Variants in RGSL1 observed in about 807,000 individuals in gnomAD.
The protein encoded by RGSL1 is regulator of G protein signaling protein-like.
RGSL1 carries 97 observed loss-of-function variants against 124.7 expected under a neutral mutation model. That is an observed-to-expected ratio of 0.78 (90% CI 0.66 to 0.92). RGSL1 has a LOEUF of 0.92. Ranked by LOEUF, RGSL1 falls within the 40% of genes least tolerant of loss-of-function variation. The pLI is 0.00. For synonymous variants in RGSL1, 424 were observed against 438.1 expected (o/e 0.97, Z 0.40); for missense variants, 1,233 against 1,288.4 (o/e 0.96, Z 0.66).
Position 182,532,688 on chromosome 1 carries a change from C to A in RGSL1, c.2391C>A (p.Ser797Arg), listed in dbSNP as rs745901690. ...AGAAAGGCTGGATGAGAATGATCAG[C>A]TTTATCAGGAGTTTTTGCAAGTACC... ...SQKKGWMRMI[S>R]FIRSFCKYRR... The change falls in exon 14 of 22, where the codon AGC becomes AGA. Residue 797 changes from serine (S) to arginine (R), a missense_variant. Physicochemically the swap from Ser to Arg is moderately radical, Grantham distance 110. Coordinates refer to ENST00000294854, the MANE Select transcript of RGSL1 (RefSeq NM_001137669.2). 2.8e-5 allele frequency: 44 copies of A among 1,550,948 alleles called. No individual in the cohort carries two copies. The South Asian group carries it at 4.5e-4, about 16-fold the overall frequency.
intron 9 of RGSL1, among the ~76,000 whole-genome samples, chr1:182,512,082 G>A (rs549829317): frequency 6.6e-6 from 1 of 152,098 alleles, no homozygotes; most frequent in East Asian, 1.9e-4. Context: ...TATTGATTTT[G>A]TATCCTGAAA....
chr1:182,512,415 A>AC (rs562086584), intron 9 of RGSL1, among the ~76,000 whole-genome samples: 96 of 151,110 alleles, frequency 6.4e-4, no homozygotes, highest in African/African-American at 2.1e-3. Flanking sequence ...GAGTTCCCTG[A>AC]CCCCCCCTCT....
rs1280379227 is a variant in RGSL1, at chr1:182,519,602, C to G, written c.1826-2402C>G. On this transcript the variant is annotated intron_variant, in intron 9 of 21. Transcript: ENST00000294854. ...TACTTGTAGCTTCAGAACTTCCGGA[C>G]TAGATATCTTTTTTCAGTTTTAGGG... 3.3e-5 allele frequency among the ~76,000 whole-genome samples: 5 copies of G among 152,034 alleles called. No individual in the cohort carries two copies. The East Asian group carries it at 9.6e-4, about 29-fold the overall frequency.
rs559298654 is a variant in RGSL1 at position 182,553,049 on chromosome 1, T to C, written c.3044-406T>C. 3.3e-5 allele frequency among the ~76,000 whole-genome samples: 5 copies of C among 152,256 alleles called. No homozygotes were observed. The East Asian group carries it at 7.7e-4, about 24-fold the overall frequency. On this transcript the variant is annotated intron_variant, in intron 18 of 21. Transcript: ENST00000294854. ...CCTCTCAAGTAGCTGGAATTACAGG[T>C]GAACACCACCATGCCCAGCTAATTT...
At chr1:182,553,656 G>C in intron 19 of RGSL1, 115 bp downstream of exon 19, 1 of 825,730 alleles carries the variant, frequency 1.2e-6, no homozygotes, top group Non-Finnish European at 1.9e-6. Flanking sequence ...CCCAAAATGT[G>C]AAGTAACTTG....
At position 182,530,891 on chromosome 1, in the gene RGSL1, C is replaced by T; in HGVS notation, c.2345C>T (p.Thr782Ile). 6.5e-7 allele frequency: 1 copy of T among 1,548,862 alleles called. No homozygotes were observed. Among genetic ancestry groups the T allele is most frequent in the Non-Finnish European group, 8.7e-7 (1 of 1,145,704 alleles). ...SSRKPSKIVS[T>I]YLQESQKKGW... is the part of the protein sequence containing the mutation. ...AGGAAGCCCTCAAAGATAGTGTCAACTTACCTACAGGAATCCCAGGTTAGT... is the reference window on the plus strand; with the variant it reads ...AGGAAGCCCTCAAAGATAGTGTCAATTTACCTACAGGAATCCCAGGTTAGT... The change falls in exon 13 of 22, where the codon ACT becomes ATT. Residue 782 changes from threonine (T) to isoleucine (I), a missense_variant. Thr to Ile is a moderately conservative substitution (Grantham distance 89). Coordinates refer to ENST00000294854, the MANE Select transcript of RGSL1 (RefSeq NM_001137669.2).
chr1:182,518,392 G>A (rs1658059972), intron 9 of RGSL1, among the ~76,000 whole-genome samples: 1 of 152,186 alleles, frequency 6.6e-6, no homozygotes, highest in African/African-American at 2.4e-5. Flanking sequence ...GGGAAGGCTA[G>A]CTAGGGGTTT....
chr1:182,497,936 G>C (rs2102133702), intron 9 of RGSL1, among the ~76,000 whole-genome samples: 1 of 152,158 alleles, frequency 6.6e-6, no homozygotes, highest in East Asian at 1.9e-4. Flanking sequence ...ATGTTCTCCA[G>C]GCTGTTTTTG....
At chr1:182,534,379 G>A (rs955724678) in intron 14 of RGSL1, among the ~76,000 whole-genome samples, 2 of 152,072 alleles carry the variant, frequency 1.3e-5, no homozygotes, top group Non-Finnish European at 2.9e-5. Context: ...TAGGAGTTGA[G>A]CATCTTTATT....
intron 20 of RGSL1, chr1:182,555,712 C>T (rs193102217): frequency 5.0e-4 from 179 of 359,106 alleles, no homozygotes; most frequent in African/African-American, 3.2e-3. Flanking sequence ...CTTCTCAGGC[C>T]TGTTTCCAGA....
At chr1:182,553,641 A>G (rs757492610) in intron 19 of RGSL1, 100 bp downstream of exon 19, 92 of 950,950 alleles carry the variant, frequency 9.7e-5, no homozygotes, top group Non-Finnish European at 1.3e-4. Context: ...AAGGAGACTG[A>G]GACCCCCAAA....
intron 14 of RGSL1, among the ~76,000 whole-genome samples, chr1:182,539,640 C>T (rs978660849): frequency 1.3e-5 from 2 of 152,172 alleles, no homozygotes; most frequent in Non-Finnish European, 2.9e-5. Flanking sequence ...GTTCTTTTCT[C>T]AGACCTGAAT....
intron 2 of RGSL1, 72 bp downstream of exon 2, chr1:182,454,112 CT>C: frequency 6.7e-6 from 6 of 891,204 alleles, no homozygotes; most frequent in South Asian, 1.5e-5. Flanking sequence ...AGCTGAGTGA[CT>C]TTTTTTGTTT....
intron 6 of RGSL1, among the ~76,000 whole-genome samples, chr1:182,481,407 C>A (rs1654697267): frequency 6.6e-6 from 1 of 152,022 alleles, no homozygotes; most frequent in South Asian, 2.1e-4. Context: ...AATTGAAAGC[C>A]TGAACAGACC....
intron 9 of RGSL1, among the ~76,000 whole-genome samples, chr1:182,513,889 C>A (rs1444700091): frequency 1.4e-5 from 2 of 140,778 alleles, no homozygotes; most frequent in Non-Finnish European, 3.0e-5. Flanking sequence ...TTTCTTTTCT[C>A]TCCCTATCTT....
intron 6 of RGSL1, among the ~76,000 whole-genome samples, chr1:182,475,703 T>G (rs1654236771): frequency 7.4e-6 from 1 of 134,246 alleles, no homozygotes. Context: ...TCCCATCTCC[T>G]GCCAGGACAC....
At chr1:182,520,189 G>A (rs2102231755) in intron 9 of RGSL1, among the ~76,000 whole-genome samples, 1 of 152,286 alleles carries the variant, frequency 6.6e-6, no homozygotes. Context: ...CACTAAACTA[G>A]TAGCATCCAG....
Position 182,547,628 on chromosome 1 carries a change from G to A in RGSL1, c.2670-689G>A, listed in dbSNP as rs375502798. On this transcript the variant is annotated intron_variant, in intron 15 of 21. Coordinates refer to ENST00000294854, the MANE Select transcript of RGSL1 (RefSeq NM_001137669.2). ...TGTAGTCCCAGCACTTTGGGAGGCC[G>A]AGGTGGGTGGATCACGAGGTCAAGA... 4.0e-4 allele frequency among the ~76,000 whole-genome samples: 61 copies of A among 152,276 alleles called. 1 individual carries two copies. The highest frequency in any genetic ancestry group is 6.8e-3 in the Middle Eastern group (2 of 294).
rs188393856 is a variant in RGSL1 at position 182,483,694 on chromosome 1, A to G, written c.1432-4591A>G. Reference sequence around the variant, plus strand: ...GGGTACATATGCAGGTTTGTTATATAGGTATATTTGTGTCACAGCAGTTTA... The same window carrying G: ...GGGTACATATGCAGGTTTGTTATATGGGTATATTTGTGTCACAGCAGTTTA... On this transcript the variant is annotated intron_variant, in intron 6 of 21. Transcript: ENST00000294854. Among the ~76,000 whole-genome samples, 114 of 151,974 alleles carry G rather than the reference A, an allele frequency of 7.5e-4. 1 individual carries two copies. In the East Asian group the frequency reaches 0.017, roughly 23 times the overall value.
Sources: gnomAD v4.1 joint callset for allele counts (sites outside exome capture counted in the v4.1 genomes callset) on GRCh38, gnomAD v4.1.1 for gene constraint, MANE v1.5 for transcripts, NCBI Gene and HGNC (gene_info 2026-07-23, HGNC 2026-07-21) for gene names.